The following DEPTOR variants were observed in gnomAD, a reference collection of about 807,000 sequenced individuals.
DEPTOR encodes DEP domain-containing mTOR-interacting protein.
DEPTOR carries 41 observed loss-of-function variants against 41.6 expected under a neutral mutation model. The ratio of observed to expected loss-of-function variants is 0.98; its 90% CI spans 0.77 to 1.28. The LOEUF is 1.28. Ranked by LOEUF, DEPTOR falls within the 50% of genes most tolerant of loss-of-function variation. The pLI is 0.00. For missense variants in DEPTOR, 514 were observed against 527.9 expected, an observed-to-expected ratio of 0.97 and a Z score of 0.26; for synonymous variants, 195 against 192.3, an observed-to-expected ratio of 1.01 and a Z score of -0.12.
At chr8:119,968,651 A>G (rs1159309827) in intron 4 of DEPTOR, among the ~76,000 whole-genome samples, 1 of 152,178 alleles carries the variant, frequency 6.6e-6, no homozygotes, top group Non-Finnish European at 1.5e-5. Flanking sequence ...CTATAGGGCC[A>G]GTATTTTTAT....
chr8:120,013,774 G>A (rs1475163816), intron 8 of DEPTOR, among the ~76,000 whole-genome samples: 2 of 151,948 alleles, frequency 1.3e-5, no homozygotes, highest in African/African-American at 4.8e-5. Flanking sequence ...AATGGGGGCA[G>A]AGCCCTGCAT....
chr8:120,045,459 C>T (rs995778960), intron 8 of DEPTOR, among the ~76,000 whole-genome samples: 4 of 152,126 alleles, frequency 2.6e-5, no homozygotes, highest in Admixed American at 6.5e-5. Context: ...CAGCTTCAAC[C>T]GCCTGGGTTG....
At chr8:119,989,495 G>A (rs919625682) in intron 4 of DEPTOR, among the ~76,000 whole-genome samples, 6 of 152,214 alleles carry the variant, frequency 3.9e-5, no homozygotes, top group Non-Finnish European at 7.4e-5. Context: ...GAGTGAGTCC[G>A]TCAGCACTTC....
intron 8 of DEPTOR, among the ~76,000 whole-genome samples, chr8:120,048,807 C>T (rs1009108824): frequency 5.3e-5 from 8 of 152,028 alleles, no homozygotes; most frequent in Non-Finnish European, 1.2e-4. Context: ...GCGTTTTTAC[C>T]TGTTGTACAA....
intron 4 of DEPTOR, among the ~76,000 whole-genome samples, chr8:119,992,955 C>T (rs948073035): frequency 6.6e-5 from 10 of 152,066 alleles, no homozygotes; most frequent in Admixed American, 3.9e-4. Flanking sequence ...CTGCGCCCAA[C>T]GAAAATAGTT....
intron 3 of DEPTOR, among the ~76,000 whole-genome samples, chr8:119,957,736 G>A (rs925457362): frequency 2.6e-5 from 4 of 151,942 alleles, no homozygotes; most frequent in East Asian, 1.9e-4. Context: ...TTATAGGCAC[G>A]CGCCACCATG....
intron 6 of DEPTOR, 132 bp downstream of exon 6, chr8:120,003,243 A>G: frequency 6.9e-7 from 1 of 1,448,474 alleles, no homozygotes; most frequent in Non-Finnish European, 9.2e-7. Context: ...TGGGGTCCAC[A>G]CGTGTTGAAT....
At chr8:119,976,769 C>T (rs1301848128) in intron 4 of DEPTOR, among the ~76,000 whole-genome samples, 2 of 152,148 alleles carry the variant, frequency 1.3e-5, no homozygotes, top group East Asian at 3.9e-4. Context: ...GGTCGGGTCA[C>T]AGGCTCACCT....
intron 1 of DEPTOR, among the ~76,000 whole-genome samples, chr8:119,878,444 C>T (rs140833583): frequency 6.6e-6 from 1 of 151,860 alleles, no homozygotes; most frequent in South Asian, 2.1e-4. Flanking sequence ...CTCAGCCTCC[C>T]GAGTAGGTGG....
At chr8:119,883,852 T>C (rs1827330578) in intron 1 of DEPTOR, among the ~76,000 whole-genome samples, 1 of 152,118 alleles carries the variant, frequency 6.6e-6, no homozygotes, top group Non-Finnish European at 1.5e-5. Context: ...AGCATCCAGC[T>C]CCATGAGGCA....
intron 4 of DEPTOR, among the ~76,000 whole-genome samples, chr8:120,000,494 G>T (rs530885662): frequency 1.3e-5 from 2 of 152,052 alleles, no homozygotes; most frequent in Admixed American, 6.5e-5. Context: ...ACAGAGTCTT[G>T]CCCTGTTGCC....
At chr8:119,923,970 T>G (rs1463992741) in intron 1 of DEPTOR, among the ~76,000 whole-genome samples, 1 of 151,766 alleles carries the variant, frequency 6.6e-6, no homozygotes, top group East Asian at 1.9e-4. Context: ...TTATGCTTAA[T>G]GCAGACAGTT....
intron 8 of DEPTOR, among the ~76,000 whole-genome samples, chr8:120,021,010 G>T (rs1020698556): frequency 7.0e-6 from 1 of 143,880 alleles, no homozygotes; most frequent in Non-Finnish European, 1.5e-5. Flanking sequence ...AGTGAGCTGA[G>T]ATCACACCCC....
At chr8:120,033,879 A>G (rs919084958) in intron 8 of DEPTOR, among the ~76,000 whole-genome samples, 1 of 152,188 alleles carries the variant, frequency 6.6e-6, no homozygotes, top group Non-Finnish European at 1.5e-5. Context: ...CTGTCCCACA[A>G]CTTGCTTGGT....
At chr8:119,880,115 C>T (rs1423641823) in intron 1 of DEPTOR, among the ~76,000 whole-genome samples, 6 of 151,286 alleles carry the variant, frequency 4.0e-5, no homozygotes, top group African/African-American at 1.5e-4. Context: ...GCACTCCAGC[C>T]TGGGTGACAG....
At chr8:119,966,977 G>A (rs958870643) in intron 4 of DEPTOR, among the ~76,000 whole-genome samples, 1 of 152,144 alleles carries the variant, frequency 6.6e-6, no homozygotes, top group Non-Finnish European at 1.5e-5. Context: ...AGCCCAACAA[G>A]GCCTGTCTGT....
intron 8 of DEPTOR, among the ~76,000 whole-genome samples, chr8:120,011,479 G>A (rs1190775781): frequency 1.3e-5 from 2 of 152,190 alleles, no homozygotes; most frequent in African/African-American, 4.8e-5. Flanking sequence ...ATTTTCTAAT[G>A]GAACTCTTGG....
chr8:119,930,034 A>G, intron 3 of DEPTOR, 96 bp downstream of exon 3: 4 of 1,435,550 alleles, frequency 2.8e-6, no homozygotes, highest in South Asian at 3.1e-5. Context: ...TGGCTTTTCT[A>G]TGTGGGCTGG....
chr8:120,015,998 C>T (rs1812606187), intron 8 of DEPTOR, among the ~76,000 whole-genome samples: 1 of 152,136 alleles, frequency 6.6e-6, no homozygotes, highest in African/African-American at 2.4e-5. Flanking sequence ...TTTGTATGGA[C>T]CCAGTTTCTA....
Sources: allele counts gnomAD v4.1 joint callset (sites outside exome capture counted in the v4.1 genomes callset), GRCh38; gene constraint gnomAD v4.1.1; transcripts MANE v1.5; gene names NCBI Gene and HGNC (gene_info 2026-07-23, HGNC 2026-07-21).